BBOF1: variants seen among roughly 807,000 people sequenced by gnomAD.
The protein encoded by BBOF1 is basal body-orientation factor 1.
A neutral mutation model predicts 68.0 loss-of-function variants in BBOF1; 62 were observed. The observed-to-expected ratio is 0.91, with a 90% CI of 0.74 to 1.13. The LOEUF is 1.13. Among genes scored for constraint, BBOF1 ranks in the 50% most tolerant of loss-of-function variants. BBOF1 has a pLI of 0.00. For synonymous variants in BBOF1, 208 were observed against 198.8 expected (o/e 1.05, Z -0.39); for missense variants, 534 against 600.1 (o/e 0.89, Z 1.15).
intron 11 of BBOF1, among the ~76,000 whole-genome samples, chr14:74,064,308 A>AT (rs2060419556): frequency 6.8e-6 from 1 of 147,808 alleles, no homozygotes; most frequent in African/African-American, 2.5e-5. Flanking sequence ...AAAAAAAAAA[A>AT]AAATAATAAT....
chr14:74,036,954 CTT>C (rs200011315), intron 4 of BBOF1, among the ~76,000 whole-genome samples: 6 of 129,446 alleles, frequency 4.6e-5, no homozygotes, highest in African/African-American at 1.9e-4. Flanking sequence ...AAAATATTAT[CTT>C]TTTTTTTTTC....
chr14:74,029,173 A>G lies in BBOF1; in HGVS notation c.286-11A>G. On this transcript the variant is annotated splice_polypyrimidine_tract_variant and intron_variant, in intron 2 of 11. Coordinates refer to ENST00000394009, the MANE Select transcript of BBOF1 (RefSeq NM_025057.3). ...TTTATCTTCATGACCCTGTATTTTG[A>G]TTTTCAACAGATTGAAAAACTGAAA... is the stretch of plus-strand genomic sequence containing the variant. The G allele has an allele frequency of 6.5e-7, 1 of 1,533,548 alleles. No individual in the cohort carries two copies. Among genetic ancestry groups the G allele is most frequent in the Non-Finnish European group, 8.9e-7 (1 of 1,128,760 alleles). 95.0% of individuals were successfully genotyped at this position (1,533,548 alleles called of 1,614,324 possible). A position where few individuals can be genotyped will look rare whatever the true frequency, so the allele number is the denominator to read the frequency against.
At chr14:74,025,707 TA>T (rs1438086316) in intron 2 of BBOF1, among the ~76,000 whole-genome samples, 2 of 152,202 alleles carry the variant, frequency 1.3e-5, no homozygotes, top group African/African-American at 4.8e-5. Context: ...TTGTACATAG[TA>T]TCTCACTTGT....
Position 74,050,099 on chromosome 14 carries a change from G to C in BBOF1, c.1190G>C (p.Cys397Ser). ...TTCAATTTAAAAATGAGAGCAGCAT[G>C]TACAGGAAGAACAGAATATCCCAAA... ...AAFNLKMRAA[C>S]TGRTEYPKIR... Residue 397 changes from cysteine to serine, a missense_variant, in exon 8 of 12, where the codon TGT (cysteine) becomes TCT (serine). Transcript: ENST00000394009. 6.2e-7 allele frequency: 1 copy of C among 1,613,558 alleles called. No individual in the cohort carries two copies. Among genetic ancestry groups the C allele is most frequent in the South Asian group, 1.1e-5 (1 of 91,024 alleles).
intron 8 of BBOF1, among the ~76,000 whole-genome samples, chr14:74,050,817 A>G (rs1368244366): frequency 1.3e-5 from 2 of 152,092 alleles, no homozygotes; most frequent in African/African-American, 4.8e-5. Context: ...CAATATAACA[A>G]TTATTTGTAG....
chr14:74,035,713 G>A (rs911257097), intron 4 of BBOF1, among the ~76,000 whole-genome samples: 10 of 147,792 alleles, frequency 6.8e-5, no homozygotes, highest in South Asian at 2.2e-4. Context: ...GATTATAGGC[G>A]TGAGCCACCA....
In BBOF1 at chr14:74,048,028, A is replaced by G. The variant is rs1485351640; in HGVS notation, c.746A>G (p.Asn249Ser). ...AAGGAAACTGACGCTCTACAAAAAA[A>G]CTCCCAGAAGTTGCAAGAGAGTCAT... ...HLKETDALQK[N>S]SQKLQESHTL... is the part of the protein sequence containing the mutation. The change falls in exon 7 of 12, where the codon AAC becomes AGC. Residue 249 changes from asparagine (N) to serine (S), a missense_variant. By Grantham distance (46) the Asn-to-Ser change is conservative. Transcript: ENST00000394009. 1 of 1,613,382 alleles carries G rather than the reference A, an allele frequency of 6.2e-7. No individual in the cohort carries two copies. The highest frequency in any genetic ancestry group is 8.5e-7 in the Non-Finnish European group (1 of 1,179,718).
At chr14:74,063,167 A>G (rs1442133406) in intron 11 of BBOF1, among the ~76,000 whole-genome samples, 3 of 150,728 alleles carry the variant, frequency 2.0e-5, no homozygotes, top group African/African-American at 7.3e-5. Context: ...CTGTTGGCCG[A>G]TGTGGCAATA....
chr14:74,050,714 C>A (rs375014209), intron 8 of BBOF1, among the ~76,000 whole-genome samples: 1 of 151,778 alleles, frequency 6.6e-6, no homozygotes, highest in Non-Finnish European at 1.5e-5. Flanking sequence ...ATTTTTGATA[C>A]GCATACTTTC....
At position 74,057,193 on chromosome 14, in the gene BBOF1, A is replaced by T. The variant is rs755638669; in HGVS notation, c.1513A>T (p.Ile505Leu). ...AATCTTCATCACCCAGCAAATTGCA[A>T]TATCAGACTCTTCTGGTGAAGTGGT... Reference protein sequence around the residue: ...DKIFITQQIAISDSSGEVVLP... With the variant: ...DKIFITQQIALSDSSGEVVLP... The change falls in exon 11 of 12, where the codon ATA becomes TTA. Residue 505 changes from isoleucine to leucine, a missense_variant. By Grantham distance (5) the Ile-to-Leu change is conservative. Transcript: ENST00000394009. 1 of 1,613,996 alleles carries T rather than the reference A, an allele frequency of 6.2e-7. No individual in the cohort carries two copies. Among genetic ancestry groups the T allele is most frequent in the Non-Finnish European group, 8.5e-7 (1 of 1,179,876 alleles).
intron 12 of BBOF1, among the ~76,000 whole-genome samples, chr14:74,081,523 A>G (rs75137158): frequency 0.018 from 2,793 of 152,278 alleles, 70 homozygotes; most frequent in African/African-American, 0.062. Context: ...TCGATCTTCT[A>G]TCTTTTCTTC....
rs1343542917 is a variant in BBOF1 at position 74,065,382 on chromosome 14, G to C, written c.*683G>C. On this transcript the variant is annotated 3_prime_UTR_variant, in exon 12 of 12. Coordinates refer to ENST00000394009, the MANE Select transcript of BBOF1 (RefSeq NM_025057.3). ...TTGGCTGCCAGGAGTGATGCATCCA[G>C]AAAAGAAGTCAGCTTTTTGGATTCT... 1 of 1,611,558 alleles carries C rather than the reference G, an allele frequency of 6.2e-7. No individual in the cohort carries two copies. The highest frequency in any genetic ancestry group is 1.3e-5 in the African/African-American group (1 of 74,878).
chr14:74,019,410 T>C lies in BBOF1; in HGVS notation c.-69T>C. 1 of 1,547,766 alleles carries C rather than the reference T, an allele frequency of 6.5e-7. No homozygotes were observed. The highest frequency in any genetic ancestry group is 2.5e-5 in the East Asian group (1 of 40,058). ...TGCCAGCTCGGCGTCCCGGTTCCCT[T>C]GGAGACAGAGCTGGCCAGGGCGGCC... On this transcript the variant is annotated 5_prime_UTR_variant, in exon 1 of 12. Transcript: ENST00000394009.
chr14:74,063,698 T>A (rs896034816), intron 11 of BBOF1, among the ~76,000 whole-genome samples: 1 of 150,826 alleles, frequency 6.6e-6, no homozygotes, highest in Non-Finnish European at 1.5e-5. Flanking sequence ...AAACCCTATC[T>A]CCACTAAAAA....
At chr14:74,038,053 A>G (rs964455454) in intron 4 of BBOF1, among the ~76,000 whole-genome samples, 2 of 150,572 alleles carry the variant, frequency 1.3e-5, no homozygotes, top group African/African-American at 4.9e-5. Flanking sequence ...TTGTCTTTTT[A>G]TATACCTAAA....
At chr14:74,082,286 G>A (rs974114252) in intron 12 of BBOF1, among the ~76,000 whole-genome samples, 7 of 151,846 alleles carry the variant, frequency 4.6e-5, no homozygotes, top group Admixed American at 2.6e-4. Context: ...ACTACTCTTC[G>A]TGGCAGAGAA....
chr14:74,027,723 T>C (rs1448538210), intron 2 of BBOF1, among the ~76,000 whole-genome samples: 1 of 152,096 alleles, frequency 6.6e-6, no homozygotes, highest in Non-Finnish European at 1.5e-5. Flanking sequence ...ATCACTTAGG[T>C]ACTATATATA....
At chr14:74,056,803 CAAAAATA>C in intron 9 of BBOF1, 96 bp from the exon 10 acceptor site, 2 of 780,322 alleles carry the variant, frequency 2.6e-6, no homozygotes, top group South Asian at 3.5e-5. Flanking sequence ...CTATCACCCA[CAAAAATA>C]AAAAATAAAA....
chr14:74,048,198 G>T, intron 7 of BBOF1, 124 bp downstream of exon 7: 2 of 862,142 alleles, frequency 2.3e-6, no homozygotes, highest in Non-Finnish European at 3.5e-6. Flanking sequence ...CTGTCTGGAT[G>T]ATGCACTTTT....
Sources: allele counts gnomAD v4.1 joint callset (sites outside exome capture counted in the v4.1 genomes callset), GRCh38; gene constraint gnomAD v4.1.1; transcripts MANE v1.5; gene names NCBI Gene and HGNC (gene_info 2026-07-23, HGNC 2026-07-21).